Variants in ACSBG1 observed in about 807,000 individuals in gnomAD.
ACSBG1 encodes long-chain-fatty-acid--CoA ligase ACSBG1.
A neutral mutation model predicts 80.2 loss-of-function variants in ACSBG1; 39 were observed. That is an observed-to-expected ratio of 0.49 (90% CI 0.38 to 0.64). ACSBG1 has a LOEUF of 0.64. Ranked by LOEUF, ACSBG1 falls within the 30% of genes least tolerant of loss-of-function variation. The pLI is 0.00. For missense variants in ACSBG1, 828 were observed against 966.4 expected, an observed-to-expected ratio of 0.86 and a Z score of 1.90; for synonymous variants, 392 against 379.5, an observed-to-expected ratio of 1.03 and a Z score of -0.38.
chr15:78,200,398 C>G (rs1179216006), intron 2 of ACSBG1, among the ~76,000 whole-genome samples: 1 of 152,176 alleles, frequency 6.6e-6, no homozygotes, highest in African/African-American at 2.4e-5. Flanking sequence ...CCAGCAGGAC[C>G]TGTCTGAGCC....
chr15:78,167,601 G>A lies in ACSBG1; in HGVS notation c.*3843C>T, dbSNP rs1003551525. ...CATTGTAATGTAACCATCACCATCA[G>A]TCATCTCCAGACCAGTTTCATTTTC... On this transcript the variant is annotated 3_prime_UTR_variant, in exon 14 of 14. Transcript: ENST00000258873. 2 of 152,158 alleles carry A rather than the reference G, an allele frequency of 1.3e-5. No individual in the cohort carries two copies. The highest frequency in any genetic ancestry group is 2.9e-5 in the Non-Finnish European group (2 of 68,044). The allele number at this position is 152,158 out of a possible 1,614,324, so 9.4% of individuals were successfully genotyped here.
chr15:78,168,891 A>G lies in ACSBG1; in HGVS notation c.*2553T>C. On this transcript the variant is annotated 3_prime_UTR_variant, in exon 14 of 14. Transcript: ENST00000258873. ...TTGGTTTAGTTTAGTTTGCGGATAC[A>G]TCTTTTATTTTTGCTTTTTCCTTTT... 1 of 1,453,238 alleles carries G rather than the reference A, an allele frequency of 6.9e-7. No homozygotes were observed. The highest frequency in any genetic ancestry group is 1.2e-5 in the South Asian group (1 of 85,116). 90.0% of individuals were successfully genotyped at this position (1,453,238 alleles called of 1,614,324 possible).
intron 1 of ACSBG1, among the ~76,000 whole-genome samples, chr15:78,228,328 T>G (rs1320119431): frequency 6.6e-6 from 1 of 152,226 alleles, no homozygotes; most frequent in Non-Finnish European, 1.5e-5. Flanking sequence ...TTTGCGGAGC[T>G]GAAGAGGTAA....
At position 78,180,911 on chromosome 15, in the gene ACSBG1, TC is replaced by T. The variant is rs1306559342; in HGVS notation, c.1096del (p.Glu366ArgfsTer42). 4.3e-6 allele frequency: 7 copies of T among 1,613,920 alleles called. No homozygotes were observed. The highest frequency in any genetic ancestry group is 5.9e-6 in the Non-Finnish European group (7 of 1,179,982). On this transcript the variant is annotated frameshift_variant, in exon 9 of 14. Transcript: ENST00000258873. LOFTEE classifies it high-confidence loss of function. ...CCCCATGTGTGATGTGGGCTCCACC[TC>T]CCGCAGCGTGTTCACCAGGCTCCCC... is the stretch of plus-strand genomic sequence containing the variant. ...LKGSLVNTLR[E>X]VEPTSHMGVP...
At chr15:78,193,776 A>G in intron 4 of ACSBG1, 150 bp from the exon 5 acceptor site, 1 of 1,409,944 alleles carries the variant, frequency 7.1e-7, no homozygotes. Context: ...CCTCCCCTGC[A>G]GAGAGGGCGC....
intron 1 of ACSBG1, among the ~76,000 whole-genome samples, chr15:78,229,536 G>A (rs1271694976): frequency 6.6e-6 from 1 of 152,204 alleles, no homozygotes; most frequent in South Asian, 2.1e-4. Context: ...CATGGGGCTT[G>A]TAGCAGCCTC....
At chr15:78,176,832 A>G (rs2074887245) in intron 11 of ACSBG1, among the ~76,000 whole-genome samples, 1 of 152,094 alleles carries the variant, frequency 6.6e-6, no homozygotes, top group South Asian at 2.1e-4. Context: ...CTGAGGCTGG[A>G]CCGGAGGATC....
Position 78,217,507 on chromosome 15 carries a change from C to G in ACSBG1, c.132-9405G>C, listed in dbSNP as rs1368254959. On this transcript the variant is annotated intron_variant, in intron 1 of 13. Coordinates refer to ENST00000258873, the MANE Select transcript of ACSBG1 (RefSeq NM_015162.5). ...GAATAGGGAGGTACAGAGAGTGAGGCACTTCAGGGTCCTCTAAACCCCTGC... is the reference window on the plus strand; with the variant it reads ...GAATAGGGAGGTACAGAGAGTGAGGGACTTCAGGGTCCTCTAAACCCCTGC... Among the ~76,000 whole-genome samples the G allele has an allele frequency of 2.0e-5, 3 of 151,964 alleles. No individual in the cohort carries two copies. In the East Asian group the frequency reaches 5.8e-4, roughly 29 times the overall value.
At position 78,194,647 on chromosome 15, in the gene ACSBG1, A is replaced by G; in HGVS notation, c.312T>C (p.Thr104=). ...IDPSCPQLPY[T]VHRMFYEALD... is the part of the protein sequence containing the mutation. ...GGGCCTCGTAGAACATCCGATGCAC[A>G]GTGTAGGGAAGCTGTGGGCAGCTGG... is the stretch of plus-strand genomic sequence containing the variant. Residue 104 remains threonine, a synonymous_variant, in exon 3 of 14, where the codon ACT becomes ACC. Transcript: ENST00000258873. 1 of 1,614,230 alleles carries G rather than the reference A, an allele frequency of 6.2e-7. No individual in the cohort carries two copies. The highest frequency in any genetic ancestry group is 2.2e-5 in the East Asian group (1 of 44,882).
intron 1 of ACSBG1, among the ~76,000 whole-genome samples, chr15:78,229,804 G>A (rs1203771965): frequency 6.6e-6 from 1 of 152,114 alleles, no homozygotes; most frequent in Non-Finnish European, 1.5e-5. Flanking sequence ...GGCTTCTGCT[G>A]CTTGCACCCC....
At chr15:78,192,879 T>G (rs921785115) in intron 5 of ACSBG1, among the ~76,000 whole-genome samples, 25 of 152,144 alleles carry the variant, frequency 1.6e-4, no homozygotes, top group African/African-American at 6.0e-4. Context: ...TAAAGGCTGT[T>G]GGGTTCAGCT....
Position 78,168,640 on chromosome 15 carries a change from G to T in ACSBG1, c.*2804C>A. The T allele has an allele frequency of 3.7e-6, 1 of 268,926 alleles. No individual in the cohort carries two copies. The highest frequency in any genetic ancestry group is 7.0e-6 in the Non-Finnish European group (1 of 142,472). The allele number at this position is 268,926 out of a possible 1,614,324, so 16.7% of individuals were successfully genotyped here. A position where few individuals can be genotyped will look rare whatever the true frequency, so the allele number is the denominator to read the frequency against. The stretch of plus-strand genomic sequence containing the variant: ...CAACTAATCTGGGTTAGGGTCTATT[G>T]TGTGAACAAAGGGAAAATTTTGGTA... On this transcript the variant is annotated 3_prime_UTR_variant, in exon 14 of 14. Coordinates refer to ENST00000258873, the MANE Select transcript of ACSBG1 (RefSeq NM_015162.5).
intron 1 of ACSBG1, among the ~76,000 whole-genome samples, chr15:78,211,957 C>T (rs2075270441): frequency 6.6e-6 from 1 of 152,226 alleles, no homozygotes; most frequent in African/African-American, 2.4e-5. Context: ...TGAGTACTTA[C>T]TGTTGGAGCT....
At chr15:78,233,184 G>A (rs1466994955) in intron 1 of ACSBG1, among the ~76,000 whole-genome samples, 4 of 152,184 alleles carry the variant, frequency 2.6e-5, no homozygotes, top group African/African-American at 9.6e-5. Flanking sequence ...CCAGGGAGGG[G>A]CTTGCCCTCA....
chr15:78,195,068 A>C (rs910561604), intron 2 of ACSBG1, among the ~76,000 whole-genome samples: 1 of 152,220 alleles, frequency 6.6e-6, no homozygotes, highest in African/African-American at 2.4e-5. Context: ...TCAGATCTCC[A>C]GGTGCCTTCA....
At position 78,193,974 on chromosome 15, in the gene ACSBG1, G is replaced by A. The variant is rs149713495; in HGVS notation, c.500C>T (p.Ser167Phe). The change falls in exon 4 of 14, where the codon TCC (serine) becomes TTC (phenylalanine). Residue 167 changes from serine to phenylalanine, a missense_variant. Ser to Phe is a radical substitution (Grantham distance 155). This residue lies in a region of ACSBG1 where 356 missense variants were observed against 363.5 expected (regional missense o/e 0.98). Coordinates refer to ENST00000258873, the MANE Select transcript of ACSBG1 (RefSeq NM_015162.5). ...AHSVAILGFNSPEWFFSAVGT... is the reference protein window; with the variant it reads ...AHSVAILGFNFPEWFFSAVGT... Reference sequence around the variant, plus strand: ...CACTGCCGAGAAGAACCACTCCGGGGAGTTGAAGCCGAGGATGGCCACACT... The same window carrying A: ...CACTGCCGAGAAGAACCACTCCGGGAAGTTGAAGCCGAGGATGGCCACACT... 5.0e-6 allele frequency: 8 copies of A among 1,613,940 alleles called. No homozygotes were observed. In the South Asian group the frequency reaches 6.6e-5, roughly 13 times the overall value.
chr15:78,184,629 T>C (rs890307959), intron 5 of ACSBG1, among the ~76,000 whole-genome samples: 1 of 152,226 alleles, frequency 6.6e-6, no homozygotes, highest in African/African-American at 2.4e-5. Context: ...CCTCACAATA[T>C]AACATTTGAA....
chr15:78,186,730 C>G (rs1349729923), intron 5 of ACSBG1, among the ~76,000 whole-genome samples: 1 of 151,824 alleles, frequency 6.6e-6, no homozygotes, highest in Admixed American at 6.6e-5. Flanking sequence ...AGGAAAGATC[C>G]AGAATTGACA....
chr15:78,222,275 T>C (rs568116582), intron 1 of ACSBG1, among the ~76,000 whole-genome samples: 4 of 152,312 alleles, frequency 2.6e-5, no homozygotes, highest in Admixed American at 6.5e-5. Context: ...GTAGTAGATT[T>C]GTGGTTTCTT....
Sources: allele counts gnomAD v4.1 joint callset (sites outside exome capture counted in the v4.1 genomes callset), GRCh38; gene constraint gnomAD v4.1.1; regional missense constraint gnomAD v4.1.1; transcripts MANE v1.5; gene names NCBI Gene and HGNC (gene_info 2026-07-23, HGNC 2026-07-21).